Variants in CCSER2 observed in about 807,000 individuals in gnomAD.
CCSER2 encodes serine-rich coiled-coil domain-containing protein 2.
CCSER2 carries 46 observed loss-of-function variants against 92.3 expected under a neutral mutation model. The ratio of observed to expected loss-of-function variants is 0.50; its 90% CI spans 0.39 to 0.64. The LOEUF (loss-of-function observed/expected upper bound fraction) is 0.64, where lower values mean the gene tolerates loss of function less well. Ranked by LOEUF, CCSER2 falls within the 30% of genes least tolerant of loss-of-function variation. CCSER2 has a pLI of 0.00. For missense variants in CCSER2, 1,244 were observed against 1,238.9 expected (o/e 1.00, Z -0.06); for synonymous variants, 433 against 431.4 (o/e 1.00, Z -0.04).
intron 9 of CCSER2, among the ~76,000 whole-genome samples, chr10:84,483,264 A>G (rs568057671): frequency 3.9e-5 from 6 of 152,224 alleles, no homozygotes; most frequent in African/African-American, 9.6e-5. Flanking sequence ...GTGGTGGTGC[A>G]TGCCAATAAT....
At chr10:84,394,136 T>C (rs1841685705) in intron 3 of CCSER2, among the ~76,000 whole-genome samples, 1 of 152,234 alleles carries the variant, frequency 6.6e-6, no homozygotes. Flanking sequence ...ATTATATTTT[T>C]CTTCATTCAG....
intron 1 of CCSER2, among the ~76,000 whole-genome samples, chr10:84,358,745 C>T (rs1426614373): frequency 6.6e-6 from 1 of 150,964 alleles, no homozygotes; most frequent in African/African-American, 2.4e-5. Flanking sequence ...AATGTGATTG[C>T]CTCAACTATT....
At chr10:84,499,865 C>G (rs769560749) in intron 9 of CCSER2, 2 of 1,613,700 alleles carry the variant, frequency 1.2e-6, no homozygotes, top group African/African-American at 1.3e-5. Context: ...CCCCATCTCT[C>G]TCTGCACAGG....
intron 3 of CCSER2, among the ~76,000 whole-genome samples, chr10:84,412,565 G>A (rs2133368972): frequency 6.6e-6 from 1 of 152,226 alleles, no homozygotes; most frequent in African/African-American, 2.4e-5. Context: ...CAGGTCGTGG[G>A]GGGACGAAGT....
chr10:84,356,318 C>T (rs552025905), intron 1 of CCSER2, among the ~76,000 whole-genome samples: 1 of 152,086 alleles, frequency 6.6e-6, no homozygotes, highest in Non-Finnish European at 1.5e-5. Context: ...AGTGTCGGTA[C>T]TCGGGATTGG....
At chr10:84,451,582 A>G (rs2133587688) in intron 6 of CCSER2, among the ~76,000 whole-genome samples, 1 of 152,348 alleles carries the variant, frequency 6.6e-6, no homozygotes, top group Non-Finnish European at 1.5e-5. Context: ...TAGAAAAATT[A>G]GTAGAAATTA....
In CCSER2 at chr10:84,465,255, G is replaced by A. The variant is rs1307506702; in HGVS notation, c.2148+1239G>A. Among the ~76,000 whole-genome samples, 102 of 46,322 alleles carry A rather than the reference G, an allele frequency of 2.2e-3. 1 individual carries two copies. The highest frequency in any genetic ancestry group is 0.01 in the Admixed American group (41 of 3,950). The allele number at this position is 46,322 out of a possible 152,430, so 30.4% of individuals were successfully genotyped here. A position where few individuals can be genotyped will look rare whatever the true frequency, so the allele number is the denominator to read the frequency against. ...TTCCTGAATTTGTGTGTGTGTGTGTGTGTGTGTGTGTGTGTGTGTGTGTGT... is the reference window on the plus strand; with the variant it reads ...TTCCTGAATTTGTGTGTGTGTGTGTATGTGTGTGTGTGTGTGTGTGTGTGT... On this transcript the variant is annotated intron_variant, in intron 7 of 9. Transcript: ENST00000372088.
At chr10:84,487,328 C>T (rs1847868759) in intron 9 of CCSER2, among the ~76,000 whole-genome samples, 1 of 152,078 alleles carries the variant, frequency 6.6e-6, no homozygotes, top group Admixed American at 6.6e-5. Context: ...TATAAATTAC[C>T]TTAGGCAGTA....
intron 6 of CCSER2, among the ~76,000 whole-genome samples, chr10:84,449,534 G>A (rs1437887564): frequency 6.6e-6 from 1 of 152,166 alleles, no homozygotes; most frequent in African/African-American, 2.4e-5. Context: ...CTGTTGTGAA[G>A]AATGCATGAG....
chr10:84,392,849 A>G (rs1166732514), intron 3 of CCSER2, among the ~76,000 whole-genome samples: 1 of 152,196 alleles, frequency 6.6e-6, no homozygotes, highest in South Asian at 2.1e-4. Flanking sequence ...TGTAGCGGAT[A>G]TAATTTGATG....
chr10:84,486,646 C>G (rs900596793), intron 9 of CCSER2, among the ~76,000 whole-genome samples: 4 of 152,118 alleles, frequency 2.6e-5, no homozygotes, highest in African/African-American at 9.7e-5. Flanking sequence ...GATATTAGCC[C>G]TTTGTCAGAT....
intron 6 of CCSER2, among the ~76,000 whole-genome samples, chr10:84,454,125 T>C (rs1347723217): frequency 2.0e-5 from 3 of 152,198 alleles, no homozygotes; most frequent in African/African-American, 7.2e-5. Flanking sequence ...TTTCTCTGTC[T>C]GAAGGCTCTG....
At chr10:84,400,209 G>A (rs1004595004) in intron 3 of CCSER2, among the ~76,000 whole-genome samples, 5 of 152,006 alleles carry the variant, frequency 3.3e-5, no homozygotes, top group African/African-American at 1.2e-4. Flanking sequence ...TGATATACAA[G>A]TTTTTAATTT....
At chr10:84,378,051 A>G (rs1344935897) in intron 3 of CCSER2, among the ~76,000 whole-genome samples, 4 of 152,216 alleles carry the variant, frequency 2.6e-5, no homozygotes, top group South Asian at 2.1e-4. Flanking sequence ...CGCTTGCCCT[A>G]TTACACAAGT....
At chr10:84,446,431 G>A (rs1264699547) in intron 6 of CCSER2, among the ~76,000 whole-genome samples, 1 of 152,130 alleles carries the variant, frequency 6.6e-6, no homozygotes, top group Non-Finnish European at 1.5e-5. Context: ...AGTGGGTGTA[G>A]TGGCAGTGGT....
At chr10:84,333,476 C>T (rs1284038628) in intron 1 of CCSER2, among the ~76,000 whole-genome samples, 1 of 152,152 alleles carries the variant, frequency 6.6e-6, no homozygotes, top group Non-Finnish European at 1.5e-5. Flanking sequence ...GGAACTCAGT[C>T]AGCCTGCTTT....
chr10:84,465,836 AGCCTCCTGGGTTCAC>A (rs2133684092), intron 7 of CCSER2, among the ~76,000 whole-genome samples: 1 of 151,486 alleles, frequency 6.6e-6, no homozygotes, highest in Non-Finnish European at 1.5e-5. Flanking sequence ...CTGCAAGCTC[AGCCTCCTGGGTTCAC>A]GCCATTCTTC....
chr10:84,399,676 A>G (rs1231846425), intron 3 of CCSER2, among the ~76,000 whole-genome samples: 4 of 151,640 alleles, frequency 2.6e-5, no homozygotes, highest in Non-Finnish European at 5.9e-5. Context: ...TATCCCCTCC[A>G]TTGTTTCTGT....
At chr10:84,451,827 A>G (rs190491464) in intron 6 of CCSER2, among the ~76,000 whole-genome samples, 1 of 152,290 alleles carries the variant, frequency 6.6e-6, no homozygotes, top group East Asian at 1.9e-4. Flanking sequence ...TGCCCTGACC[A>G]TCTGTGAGGA....
Sources: gnomAD v4.1 joint callset for allele counts (sites outside exome capture counted in the v4.1 genomes callset) on GRCh38, gnomAD v4.1.1 for gene constraint, MANE v1.5 for transcripts, NCBI Gene and HGNC (gene_info 2026-07-23, HGNC 2026-07-21) for gene names.